Variants in SLC2A14 observed in about 807,000 individuals in gnomAD.
The protein encoded by SLC2A14 is solute carrier family 2 member 14.
Under a neutral mutation model 43.0 loss-of-function variants are expected in SLC2A14, and 13 were observed. The ratio of observed to expected loss-of-function variants is 0.30; its 90% confidence interval spans 0.20 to 0.48. SLC2A14 has a LOEUF of 0.48. SLC2A14 is among the 20% of genes least tolerant of loss of function. The probability of loss-of-function intolerance (pLI) is 0.99; values close to 1 mark genes in which losing one functional copy is unlikely to be tolerated. For synonymous variants in SLC2A14, 190 were observed against 233.8 expected (o/e 0.81, Z 1.71); for missense variants, 428 against 620.4 (o/e 0.69, Z 3.29).
upstream of SLC2A14, among the ~76,000 whole-genome samples, chr12:7,875,237 A>C (rs926245665): frequency 1.1e-4 from 11 of 99,392 alleles, no homozygotes; most frequent in African/African-American, 3.2e-4. Flanking sequence ...GTATTTTTAT[A>C]TATTTATATA....
At chr12:7,826,861 T>TTCC (rs1555121671) in intron 7 of SLC2A14, among the ~76,000 whole-genome samples, 8,012 of 60,268 alleles carry the variant, frequency 0.13, 1,292 homozygotes, top group Non-Finnish European at 0.16. Context: ...TTCCTTTCTT[T>TTCC]TTTCTTTCTT....
In SLC2A14 at chr12:7,844,733, A is replaced by G. The variant is rs1033103292; in HGVS notation, c.19-11919T>C. Reference sequence around the variant, plus strand: ...TACATTTTTAGTAAAGAGGGGTTTCACCATATTGGCCAGGCTGGTCTCGAA... The same window carrying G: ...TACATTTTTAGTAAAGAGGGGTTTCGCCATATTGGCCAGGCTGGTCTCGAA... On this transcript the variant is annotated intron_variant, in intron 2 of 10. Transcript: ENST00000431042. 3.9e-5 allele frequency among the ~76,000 whole-genome samples: 6 copies of G among 151,912 alleles called. No individual in the cohort carries two copies. The East Asian group carries it at 1.2e-3, about 29-fold the overall frequency.
chr12:7,887,166 C>T (rs1002525254), intron 1 of SLC2A14, among the ~76,000 whole-genome samples: 10 of 152,026 alleles, frequency 6.6e-5, no homozygotes, highest in Admixed American at 5.9e-4. Flanking sequence ...CCAACCTCAG[C>T]CTCCCAAAGT....
At chr12:7,867,202 C>T (rs1944961198) in intron 2 of SLC2A14, among the ~76,000 whole-genome samples, 1 of 147,938 alleles carries the variant, frequency 6.8e-6, no homozygotes, top group African/African-American at 2.5e-5. Flanking sequence ...TGGCTTGAAC[C>T]CAGGAGGCGG....
At chr12:7,817,749 T>G in intron 10 of SLC2A14, 82 bp downstream of exon 10, 2 of 1,283,162 alleles carry the variant, frequency 1.6e-6, no homozygotes, top group Non-Finnish European at 2.1e-6. Context: ...AATATATATA[T>G]ATATAGATAG....
rs1173814326 is a variant in SLC2A14 at position 7,814,276 on chromosome 12, G to A, written c.*40C>T. Reference sequence around the variant, plus strand: ...GTCTCTCCCTTGTTGAGGGAGAGGTGGCTTTCCCATGCCGGGAGGGAGGTG... The same window carrying A: ...GTCTCTCCCTTGTTGAGGGAGAGGTAGCTTTCCCATGCCGGGAGGGAGGTG... On this transcript the variant is annotated 3_prime_UTR_variant, in exon 11 of 11. Coordinates refer to ENST00000431042, the MANE Select transcript of SLC2A14 (RefSeq NM_001286234.2). 2 of 1,501,564 alleles carry A rather than the reference G, an allele frequency of 1.3e-6. No individual in the cohort carries two copies. The highest frequency in any genetic ancestry group is 1.8e-6 in the Non-Finnish European group (2 of 1,094,320). The allele number at this position is 1,501,564 out of a possible 1,614,324, so 93.0% of individuals were successfully genotyped here. A position where few individuals can be genotyped will look rare whatever the true frequency, so the allele number is the denominator to read the frequency against.
intron 1 of SLC2A14, among the ~76,000 whole-genome samples, chr12:7,882,971 G>A (rs1945614450): frequency 6.6e-6 from 1 of 151,856 alleles, no homozygotes; most frequent in South Asian, 2.1e-4. Flanking sequence ...AGGACTTCGG[G>A]AGGCCAAGGT....
intron 7 of SLC2A14, among the ~76,000 whole-genome samples, chr12:7,823,365 A>C (rs1483161234): frequency 6.7e-6 from 1 of 148,150 alleles, no homozygotes; most frequent in East Asian, 2.0e-4. Flanking sequence ...CCTGGGCAAC[A>C]GAGCGAGACT....
chr12:7,891,092 G>T, exon 1 of SLC2A14: 2 of 1,534,688 alleles, frequency 1.3e-6, no homozygotes, highest in Non-Finnish European at 1.7e-6. Context: ...TCACACCCAG[G>T]AGTACTTCTA....
chr12:7,821,242 A>ATG lies in SLC2A14; in HGVS notation c.947_948insCA (p.Thr317IlefsTer22). On this transcript the variant is annotated frameshift_variant, in exon 8 of 11. Coordinates refer to ENST00000431042, the MANE Select transcript of SLC2A14 (RefSeq NM_001286234.2). LOFTEE classifies it high-confidence loss of function. ...TTACAGAAAGTAAAGTGAAGATAGT[A>ATG]TTAACCACACCCGCGCTGATGGTGG... 6.2e-7 allele frequency: 1 copy of ATG among 1,614,008 alleles called. No homozygotes were observed. The highest frequency in any genetic ancestry group is 1.1e-5 in the South Asian group (1 of 91,082).
chr12:7,819,026 T>C (rs768228213), intron 9 of SLC2A14, among the ~76,000 whole-genome samples: 14 of 152,266 alleles, frequency 9.2e-5, no homozygotes, highest in African/African-American at 3.4e-4. Flanking sequence ...GAGACCAGTC[T>C]GACCAACATG....
rs1420565922 is a variant in SLC2A14 at position 7,879,640 on chromosome 12, C to T, written c.132+11356G>A. Among the ~76,000 whole-genome samples, 12 of 151,804 alleles carry T rather than the reference C, an allele frequency of 7.9e-5. 1 individual carries two copies. The highest frequency in any genetic ancestry group is 2.1e-4 in the South Asian group (1 of 4,826). On this transcript the variant is annotated intron_variant, in intron 1 of 9. Coordinates refer to the SLC2A14 transcript ENST00000539924. ...TGGAGGTTGCAGTGAGCCAAGATCA[C>T]GCCACTGCACTCCAGCCTGGGCAAC...
chr12:7,881,277 A>T (rs2121106730), intron 1 of SLC2A14, among the ~76,000 whole-genome samples: 1 of 151,960 alleles, frequency 6.6e-6, no homozygotes, highest in South Asian at 2.1e-4. Context: ...GGAGGTGTGG[A>T]GGGAGAGGCG....
intron 1 of SLC2A14, among the ~76,000 whole-genome samples, chr12:7,889,542 C>CTT (rs35141630): frequency 1.5e-4 from 21 of 142,822 alleles, no homozygotes; most frequent in Non-Finnish European, 1.7e-4. Flanking sequence ...CTGGTTCCCC[C>CTT]TTTTTTTTTT....
intron 10 of SLC2A14, among the ~76,000 whole-genome samples, chr12:7,814,956 C>T (rs959560847): frequency 2.0e-5 from 3 of 152,030 alleles, no homozygotes; most frequent in South Asian, 4.1e-4. Context: ...CCCACCAGCA[C>T]GCCTGGCTAA....
At chr12:7,820,630 G>A (rs892437689) in intron 8 of SLC2A14, among the ~76,000 whole-genome samples, 2 of 152,148 alleles carry the variant, frequency 1.3e-5, no homozygotes, top group African/African-American at 4.8e-5. Context: ...TAAAAACAGA[G>A]GAATAACAGT....
At chr12:7,889,158 A>G (rs1250283384) in intron 1 of SLC2A14, among the ~76,000 whole-genome samples, 1 of 151,890 alleles carries the variant, frequency 6.6e-6, no homozygotes, top group African/African-American at 2.4e-5. Flanking sequence ...AGTGAAAGCA[A>G]CTTTATTAAG....
chr12:7,816,984 G>A lies in SLC2A14; in HGVS notation c.1275+847C>T, dbSNP rs111778714. Among the ~76,000 whole-genome samples the A allele has an allele frequency of 7.9e-4, 121 of 152,224 alleles. 2 individuals carry two copies. In the Middle Eastern group the frequency reaches 0.031, roughly 39 times the overall value. On this transcript the variant is annotated intron_variant, in intron 10 of 10. Coordinates refer to ENST00000431042, the MANE Select transcript of SLC2A14 (RefSeq NM_001286234.2). ...CACCTCCCAAAGTCCTAGGATTACC[G>A]GCTTTGAGCCACTGCTCCCGGGTGC...
At chr12:7,876,104 C>G (rs756838649), upstream of SLC2A14, among the ~76,000 whole-genome samples, 4 of 151,742 alleles carry the variant, frequency 2.6e-5, 1 homozygote, top group East Asian at 5.8e-4. Flanking sequence ...CATTGTGAAA[C>G]CCATCTCTAC....
Sources: gnomAD v4.1 joint callset for allele counts (sites outside exome capture counted in the v4.1 genomes callset) on GRCh38, gnomAD v4.1.1 for gene constraint, MANE v1.5 for transcripts, NCBI Gene and HGNC (gene_info 2026-07-23, HGNC 2026-07-21) for gene names.